Variants in C1orf116 observed in about 807,000 individuals in gnomAD.
The protein encoded by C1orf116 is chromosome 1 open reading frame 116, also known as specifically androgen-regulated gene protein.
C1orf116 carries 12 observed loss-of-function variants against 14.1 expected under a neutral mutation model. The ratio of observed to expected loss-of-function variants is 0.85; its 90% CI spans 0.54 to 1.38. C1orf116 has a LOEUF of 1.38. C1orf116 is among the 40% of genes most tolerant of loss of function. The pLI, the probability that C1orf116 is intolerant of heterozygous loss-of-function variation, is 0.00. For missense variants in C1orf116, 797 were observed against 747.0 expected (o/e 1.07, Z -0.78); for synonymous variants, 296 against 299.0 (o/e 0.99, Z 0.10).
rs1039768006 is a variant in C1orf116 at position 207,020,530 on chromosome 1, C to T, written c.*1428G>A. On this transcript the variant is annotated 3_prime_UTR_variant, in exon 4 of 4. Coordinates refer to ENST00000359470, the MANE Select transcript of C1orf116 (RefSeq NM_023938.6). ...TGTCTGGCCATGTCTCACCTCCAAGCTTGTATTTGCAAGCCCACACCACCC... is the reference window on the plus strand; with the variant it reads ...TGTCTGGCCATGTCTCACCTCCAAGTTTGTATTTGCAAGCCCACACCACCC... 3.3e-5 allele frequency: 5 copies of T among 152,146 alleles called. No individual in the cohort carries two copies. The highest frequency in any genetic ancestry group is 5.9e-5 in the Non-Finnish European group (4 of 68,034). The allele number at this position is 152,146 out of a possible 1,614,324, so 9.4% of individuals were successfully genotyped here.
rs1380647947 is a variant in C1orf116, at chr1:207,020,371, G to A, written c.*1587C>T. 1.3e-5 allele frequency: 2 copies of A among 152,362 alleles called. No individual in the cohort carries two copies. The highest frequency in any genetic ancestry group is 4.1e-4 in the South Asian group (2 of 4,828). The allele number at this position is 152,362 out of a possible 1,614,324, so 9.4% of individuals were successfully genotyped here. A position where few individuals can be genotyped will look rare whatever the true frequency, so the allele number is the denominator to read the frequency against. On this transcript the variant is annotated 3_prime_UTR_variant, in exon 4 of 4. Transcript: ENST00000359470. ...GCTGCGTCCATCAGGACACAGTCCAGAAATTCTCAGCAGCCTTAAAAGGCA... is the reference window on the plus strand; with the variant it reads ...GCTGCGTCCATCAGGACACAGTCCAAAAATTCTCAGCAGCCTTAAAAGGCA...
chr1:207,029,587 T>G (rs1197676757), intron 1 of C1orf116, among the ~76,000 whole-genome samples: 6 of 152,208 alleles, frequency 3.9e-5, no homozygotes, highest in Non-Finnish European at 8.8e-5. Flanking sequence ...TGAATGAACT[T>G]GCCATCTGTT....
intron 1 of C1orf116, among the ~76,000 whole-genome samples, chr1:207,031,605 C>G (rs1220040080): frequency 6.6e-6 from 1 of 152,220 alleles, no homozygotes; most frequent in Non-Finnish European, 1.5e-5. Flanking sequence ...GTTAAACCCC[C>G]CAAGATGGAT....
chr1:207,025,545 G>T (rs914429603), intron 2 of C1orf116, among the ~76,000 whole-genome samples: 1 of 152,016 alleles, frequency 6.6e-6, no homozygotes, highest in African/African-American at 2.4e-5. Context: ...ACTTTTAAAA[G>T]TACTTCTGCA....
intron 1 of C1orf116, among the ~76,000 whole-genome samples, chr1:207,029,274 T>C (rs1482461537): frequency 6.6e-6 from 1 of 151,718 alleles, no homozygotes; most frequent in East Asian, 1.9e-4. Context: ...TCCTAGGAGA[T>C]AAGGAGGGGA....
chr1:207,022,093 C>G lies in C1orf116; in HGVS notation c.1671G>C (p.Lys557Asn), dbSNP rs772999834. ...GGCTCTGTCCTTGGTAGGACAGGCG[C>G]TTGGAGCTCTGCTCCTGCTCCAGGT... is the stretch of plus-strand genomic sequence containing the variant. ...LADLEQEQSSKRLSYQGQSRD... is the reference protein window; with the variant it reads ...LADLEQEQSSNRLSYQGQSRD... The change falls in exon 4 of 4, where the codon AAG becomes AAC. Residue 557 changes from lysine to asparagine, a missense_variant. By Grantham distance (94) the Lys-to-Asn change is moderately conservative. Coordinates refer to ENST00000359470, the MANE Select transcript of C1orf116 (RefSeq NM_023938.6). 2.5e-6 allele frequency: 4 copies of G among 1,612,478 alleles called. No individual in the cohort carries two copies. Among genetic ancestry groups the G allele is most frequent in the Non-Finnish European group, 3.4e-6 (4 of 1,179,080 alleles).
intron 1 of C1orf116, among the ~76,000 whole-genome samples, 172 bp downstream of exon 1, chr1:207,032,407 T>C (rs1446319337): frequency 6.6e-6 from 1 of 152,182 alleles, no homozygotes; most frequent in South Asian, 2.1e-4. Flanking sequence ...AATCTCAAGT[T>C]GCTACCAACC....
intron 1 of C1orf116, among the ~76,000 whole-genome samples, chr1:207,028,145 A>G (rs1323457309): frequency 6.6e-6 from 1 of 152,228 alleles, no homozygotes; most frequent in Non-Finnish European, 1.5e-5. Flanking sequence ...CAGTTAGCAC[A>G]GTTTAGTTGG....
chr1:207,019,629 A>C lies in C1orf116; in HGVS notation c.*2329T>G, dbSNP rs1479219697. 1 of 152,224 alleles carries C rather than the reference A, an allele frequency of 6.6e-6. No individual in the cohort carries two copies. Among genetic ancestry groups the C allele is most frequent in the Non-Finnish European group, 1.5e-5 (1 of 68,044 alleles). The allele number at this position is 152,224 out of a possible 1,614,324, so 9.4% of individuals were successfully genotyped here. ...GCATCTCTTCAAAATGGGAATGACCAAGTTTGGATTTATTATTCTATTCTT... is the reference window on the plus strand; with the variant it reads ...GCATCTCTTCAAAATGGGAATGACCCAGTTTGGATTTATTATTCTATTCTT... On this transcript the variant is annotated 3_prime_UTR_variant, in exon 4 of 4. Transcript: ENST00000359470.
chr1:207,025,323 C>T (rs550028632), intron 2 of C1orf116, among the ~76,000 whole-genome samples: 8 of 152,336 alleles, frequency 5.3e-5, no homozygotes, highest in Non-Finnish European at 8.8e-5. Flanking sequence ...GGCCCACTAG[C>T]GCCCAGCTCT....
chr1:207,022,127 T>C lies in C1orf116; in HGVS notation c.1637A>G (p.Lys546Arg). The C allele has an allele frequency of 6.2e-7, 1 of 1,612,832 alleles. No individual in the cohort carries two copies. The highest frequency in any genetic ancestry group is 8.5e-7 in the Non-Finnish European group (1 of 1,178,960). ...GKDFAGIQVGKLADLEQEQSS... is the reference protein window; with the variant it reads ...GKDFAGIQVGRLADLEQEQSS... ...CTGCTCCTGCTCCAGGTCAGCCAGC[T>C]TGCCTACCTGGATACCTGCAAAATC... Residue 546 changes from lysine to arginine, a missense_variant, in exon 4 of 4, where the codon AAG becomes AGG. By Grantham distance (26) the Lys-to-Arg change is conservative. Transcript: ENST00000359470.
intron 1 of C1orf116, among the ~76,000 whole-genome samples, chr1:207,031,666 T>C (rs933377800): frequency 2.0e-5 from 3 of 152,162 alleles, no homozygotes; most frequent in Non-Finnish European, 4.4e-5. Context: ...CTGCCTTCCT[T>C]CTGCAGGTAA....
Position 207,021,765 on chromosome 1 carries a change from C to T in C1orf116, c.*193G>A, listed in dbSNP as rs1010670614. ...CACCAAACACACACACACACACCCT[C>T]TTGTGGAGATCACCTTCAGAATGAT... On this transcript the variant is annotated 3_prime_UTR_variant, in exon 4 of 4. Coordinates refer to ENST00000359470, the MANE Select transcript of C1orf116 (RefSeq NM_023938.6). 6 of 521,864 alleles carry T rather than the reference C, an allele frequency of 1.1e-5. No homozygotes were observed. Among genetic ancestry groups the T allele is most frequent in the Non-Finnish European group, 1.9e-5 (6 of 314,256 alleles). 32.3% of individuals were successfully genotyped at this position (521,864 alleles called of 1,614,324 possible). A position where few individuals can be genotyped will look rare whatever the true frequency, so the allele number is the denominator to read the frequency against.
intron 3 of C1orf116, among the ~76,000 whole-genome samples, chr1:207,023,962 T>C (rs1350316916): frequency 6.6e-6 from 1 of 152,244 alleles, no homozygotes; most frequent in Non-Finnish European, 1.5e-5. Flanking sequence ...TTTGGGACAG[T>C]TCCTTCTAGC....
In C1orf116 at chr1:207,021,745, AACAC is replaced by A; in HGVS notation, c.*209_*212del. On this transcript the variant is annotated 3_prime_UTR_variant, in exon 4 of 4. Transcript: ENST00000359470. The stretch of plus-strand genomic sequence containing the variant: ...CGGCCCCCCCTCCACACACACACCA[AACAC>A]ACACACACACACCCTCTTGTGGAGA... The A allele has an allele frequency of 3.9e-5, 17 of 431,508 alleles. No homozygotes were observed. The highest frequency in any genetic ancestry group is 4.4e-5 in the Non-Finnish European group (11 of 250,886). The allele number at this position is 431,508 out of a possible 1,614,324, so 26.7% of individuals were successfully genotyped here. A position where few individuals can be genotyped will look rare whatever the true frequency, so the allele number is the denominator to read the frequency against.
Position 207,027,629 on chromosome 1 carries a change from G to T in C1orf116, c.-31C>A. 2 of 1,607,372 alleles carry T rather than the reference G, an allele frequency of 1.2e-6. No homozygotes were observed. Among genetic ancestry groups the T allele is most frequent in the Admixed American group, 3.3e-5 (2 of 60,006 alleles). On this transcript the variant is annotated 5_prime_UTR_variant, in exon 2 of 4. Transcript: ENST00000359470. The stretch of plus-strand genomic sequence containing the variant: ...GAAACAAGGTGCAGGGATGGCAAAG[G>T]GGGCTTCTAGAGGGGAAGCGAGGGG...
chr1:207,023,474 G>A lies in C1orf116; in HGVS notation c.290C>T (p.Pro97Leu), dbSNP rs1681957313. Residue 97 changes from proline to leucine, a missense_variant, in exon 4 of 4, where the codon CCA becomes CTA. By Grantham distance (98) the Pro-to-Leu change is moderately conservative. Coordinates refer to ENST00000359470, the MANE Select transcript of C1orf116 (RefSeq NM_023938.6). ...TCCTTGCTGAGTGATGGTCTCCTCTGGACCTCCTGTGAGGGTCAGAAAGAA... is the reference window on the plus strand; with the variant it reads ...TCCTTGCTGAGTGATGGTCTCCTCTAGACCTCCTGTGAGGGTCAGAAAGAA... The part of the protein sequence containing the change: ...PITQPTPRGG[P>L]EETITQQGRT... The A allele has an allele frequency of 1.9e-6, 3 of 1,606,908 alleles. No individual in the cohort carries two copies. The highest frequency in any genetic ancestry group is 2.5e-6 in the Non-Finnish European group (3 of 1,176,924).
At chr1:207,027,441 A>G in intron 2 of C1orf116, 53 bp downstream of exon 2, 1 of 1,604,610 alleles carries the variant, frequency 6.2e-7, no homozygotes, top group South Asian at 1.1e-5. Flanking sequence ...AGGGCAGGGC[A>G]GGGCAGGTGT....
Position 207,024,100 on chromosome 1 carries a change from A to T in C1orf116, c.284-620T>A, listed in dbSNP as rs117884449. Among the ~76,000 whole-genome samples, 3 of 152,354 alleles carry T rather than the reference A, an allele frequency of 2.0e-5. No individual in the cohort carries two copies. In the East Asian group the frequency reaches 5.8e-4, roughly 29 times the overall value. On this transcript the variant is annotated intron_variant, in intron 3 of 3. Coordinates refer to ENST00000359470, the MANE Select transcript of C1orf116 (RefSeq NM_023938.6). ...GCATGTGGATAATTCTGTAATAGCC[A>T]TAGTGTCCCCACACCAGAAAGTGAC...
Sources: allele counts gnomAD v4.1 joint callset (sites outside exome capture counted in the v4.1 genomes callset), GRCh38; gene constraint gnomAD v4.1.1; transcripts MANE v1.5; gene names NCBI Gene and HGNC (gene_info 2026-07-23, HGNC 2026-07-21).